Variants in ENO1 observed in about 807,000 individuals in gnomAD.
ENO1 encodes the protein enolase 1, also known as alpha-enolase.
Under a neutral mutation model 46.3 loss-of-function variants are expected in ENO1, and 33 were observed. That is an observed-to-expected ratio of 0.71 (90% CI 0.54 to 0.95). The LOEUF is 0.95. ENO1 is among the 40% of genes least tolerant of loss of function. ENO1 has a pLI of 0.00. For missense variants in ENO1, 488 were observed against 553.3 expected (o/e 0.88, Z 1.18); for synonymous variants, 220 against 216.0 (o/e 1.02, Z -0.16).
chr1:8,868,973 C>T (rs1642577695), intron 4 of ENO1, among the ~76,000 whole-genome samples: 1 of 152,172 alleles, frequency 6.6e-6, no homozygotes, highest in Non-Finnish European at 1.5e-5. Context: ...CAGGCGTTAG[C>T]CACTGCACCC....
At chr1:8,864,205 A>G in intron 8 of ENO1, 113 bp from the exon 9 acceptor site, 1 of 1,164,446 alleles carries the variant, frequency 8.6e-7, no homozygotes, top group Non-Finnish European at 1.3e-6. Context: ...ACAATGCCCA[A>G]AAGCATAGGA....
intron 11 of ENO1, 84 bp from the exon 12 acceptor site, chr1:8,861,513 G>T: frequency 7.0e-7 from 1 of 1,422,786 alleles, no homozygotes. Context: ...CCTAGATGTG[G>T]TCAAAGACAC....
intron 3 of ENO1, 119 bp downstream of exon 3, chr1:8,871,769 ACAG>A: frequency 7.8e-7 from 1 of 1,289,244 alleles, no homozygotes; most frequent in Non-Finnish European, 1.1e-6. Context: ...ATCATGGGTC[ACAG>A]CAGGTTTACC....
chr1:8,870,392 T>C, intron 4 of ENO1, 60 bp downstream of exon 4: 3 of 1,608,810 alleles, frequency 1.9e-6, no homozygotes, highest in East Asian at 4.5e-5. Context: ...GGAAAGCCCC[T>C]GGGCCTGGGA....
intron 3 of ENO1, chr1:8,871,340 A>G (rs1642628725): frequency 1.0e-6 from 1 of 992,056 alleles, no homozygotes; most frequent in African/African-American, 1.7e-5. Context: ...AGAAAGGTCA[A>G]TGTTGCACAC....
At chr1:8,868,844 T>TTA (rs756206996) in intron 4 of ENO1, among the ~76,000 whole-genome samples, 6 of 125,430 alleles carry the variant, frequency 4.8e-5, no homozygotes, top group Non-Finnish European at 9.7e-5. Flanking sequence ...TGGCTAATTT[T>TTA]TATATTTTTT....
chr1:8,868,356 C>T (rs1268599419), intron 4 of ENO1, among the ~76,000 whole-genome samples: 1 of 152,002 alleles, frequency 6.6e-6, no homozygotes, highest in East Asian at 1.9e-4. Flanking sequence ...GACTTTACAC[C>T]CAAGAGAACT....
At chr1:8,861,756 AT>A (rs1372154108) in intron 11 of ENO1, among the ~76,000 whole-genome samples, 7 of 152,140 alleles carry the variant, frequency 4.6e-5, no homozygotes, top group African/African-American at 1.7e-4. Flanking sequence ...TTCTTGGAAT[AT>A]AAAAATTCTA....
chr1:8,873,879 T>C (rs2124101214), intron 2 of ENO1: 1 of 152,364 alleles, frequency 6.6e-6, no homozygotes, highest in East Asian at 1.9e-4. Flanking sequence ...CATCGCGCCA[T>C]GTGCTGGAGG....
At position 8,878,681 on chromosome 1, in the gene ENO1, G is replaced by T. The variant is rs1353736464; in HGVS notation, c.-111C>A. On this transcript the variant is annotated 5_prime_UTR_variant, in exon 1 of 12. It adds an upstream start codon to the 5' untranslated region. Coordinates refer to ENST00000234590, the MANE Select transcript of ENO1 (RefSeq NM_001428.5). ...GATCTCCGTGCTCCGGGTACCCACA[G>T]ATACTGTCCGCGCCGCCCGCGCCGA... 2 of 456,006 alleles carry T rather than the reference G, an allele frequency of 4.4e-6. No individual in the cohort carries two copies. The highest frequency in any genetic ancestry group is 1.5e-5 in the South Asian group (1 of 64,570). The allele number at this position is 456,006 out of a possible 1,614,324, so 28.2% of individuals were successfully genotyped here. A position where few individuals can be genotyped will look rare whatever the true frequency, so the allele number is the denominator to read the frequency against.
Position 8,867,225 on chromosome 1 carries a change from C to T in ENO1, c.336G>A (p.Leu112=). The T allele has an allele frequency of 6.2e-7, 1 of 1,614,182 alleles. No individual in the cohort carries two copies. The highest frequency in any genetic ancestry group is 8.5e-7 in the Non-Finnish European group (1 of 1,180,032). The stretch of plus-strand genomic sequence containing the variant: ...CTTTGCAGACGGCAAGGGACACCCC[C>T]AGAATGGCGTTCGCACCAAACTTAG... The part of the protein sequence containing the change: ...NKSKFGANAI[L]GVSLAVCKAG... Residue 112 remains leucine (L), a synonymous_variant, in exon 6 of 12, where the codon CTG becomes CTA. Coordinates refer to ENST00000234590, the MANE Select transcript of ENO1 (RefSeq NM_001428.5).
chr1:8,870,328 G>T, intron 4 of ENO1, 124 bp downstream of exon 4: 1 of 1,264,714 alleles, frequency 7.9e-7, no homozygotes, highest in Non-Finnish European at 1.1e-6. Flanking sequence ...TCTCGTGCGT[G>T]ACAGGGAATC....
chr1:8,868,086 T>G, intron 4 of ENO1, 29 bp from the exon 5 acceptor site: 3 of 1,547,016 alleles, frequency 1.9e-6, no homozygotes, highest in Non-Finnish European at 2.7e-6. Flanking sequence ...AATGAGGGGT[T>G]GGGGCCACTC....
intron 3 of ENO1, chr1:8,871,687 T>C: frequency 1.0e-5 from 14 of 1,360,860 alleles, no homozygotes; most frequent in South Asian, 6.8e-5. Flanking sequence ...ACCCAGAGCA[T>C]GCAGGCTCGG....
chr1:8,878,386 C>T, intron 1 of ENO1, 194 bp downstream of exon 1: 1 of 316,958 alleles, frequency 3.2e-6, no homozygotes, highest in Non-Finnish European at 6.1e-6. Context: ...GTGCGCCTGG[C>T]ATTGCGCCCC....
chr1:8,869,473 G>C (rs1030615520), intron 4 of ENO1, among the ~76,000 whole-genome samples: 1 of 152,150 alleles, frequency 6.6e-6, no homozygotes. Flanking sequence ...CTTTTCCCTC[G>C]TGTACAGAAT....
rs746112581 is a variant in ENO1, at chr1:8,870,455, G to A, written c.237C>T (p.Ser79=). The A allele has an allele frequency of 6.2e-6, 10 of 1,614,210 alleles. No individual in the cohort carries two copies. Among genetic ancestry groups the A allele is most frequent in the Non-Finnish European group, 8.5e-6 (10 of 1,180,036 alleles). ...INKTIAPALV[S]KKLNVTEQEK... is the part of the protein sequence containing the mutation. ...GTTATCAGGAGGCAGGTCCTACCTT[G>A]CTAACCAGGGCAGGCGCAATAGTTT... The change falls in exon 4 of 12, where the codon AGC becomes AGT. Residue 79 remains serine (S), a synonymous_variant. Coordinates refer to ENST00000234590, the MANE Select transcript of ENO1 (RefSeq NM_001428.5).
chr1:8,863,900 G>C lies in ENO1; in HGVS notation c.1058C>G (p.Ser353Cys). 1 of 1,613,894 alleles carries C rather than the reference G, an allele frequency of 6.2e-7. No individual in the cohort carries two copies. The highest frequency in any genetic ancestry group is 8.5e-7 in the Non-Finnish European group (1 of 1,179,978). Reference protein sequence around the residue: ...KVNQIGSVTESLQACKLAQAN... With the variant: ...KVNQIGSVTECLQACKLAQAN... ...CTGGGAAGACACTTACGCCTGAAGA[G>C]ACTCGGTCACGGAGCCAATCTGGTT... is the stretch of plus-strand genomic sequence containing the variant. Residue 353 changes from serine to cysteine, a missense_variant, in exon 9 of 12, where the codon TCT (serine) becomes TGT (cysteine). Physicochemically the swap from Ser to Cys is moderately radical, Grantham distance 112. Coordinates refer to ENST00000234590, the MANE Select transcript of ENO1 (RefSeq NM_001428.5).
chr1:8,870,291 G>A, intron 4 of ENO1, 161 bp downstream of exon 4: 1 of 870,636 alleles, frequency 1.1e-6, no homozygotes, highest in Non-Finnish European at 1.7e-6. Flanking sequence ...CAGCGGGCAG[G>A]TTAGAATTAT....
Sources: allele counts gnomAD v4.1 joint callset (sites outside exome capture counted in the v4.1 genomes callset), GRCh38; gene constraint gnomAD v4.1.1; transcripts MANE v1.5; gene names NCBI Gene and HGNC (gene_info 2026-07-23, HGNC 2026-07-21).